The following CA10 variants were observed in gnomAD, a reference collection of about 807,000 sequenced individuals.
CA10 encodes the protein carbonic anhydrase 10 (inactive), also known as carbonic anhydrase-related protein 10.
Under a neutral mutation model 44.2 loss-of-function variants are expected in CA10, and 14 were observed. The ratio of observed to expected loss-of-function variants is 0.32; its 90% confidence interval spans 0.21 to 0.50. The LOEUF (loss-of-function observed/expected upper bound fraction) is 0.50. Ranked by LOEUF, CA10 falls within the 20% of genes least tolerant of loss-of-function variation. The pLI, the probability that CA10 is intolerant of heterozygous loss-of-function variation, is 0.99. For missense variants in CA10, 350 were observed against 409.7 expected (o/e 0.85, Z 1.26); for synonymous variants, 159 against 141.6 (o/e 1.12, Z -0.87).
intron 2 of CA10, among the ~76,000 whole-genome samples, chr17:51,969,892 C>T (rs1984218668): frequency 6.6e-6 from 1 of 151,962 alleles, no homozygotes; most frequent in Non-Finnish European, 1.5e-5. Context: ...ACCCTTTCTG[C>T]CCCTTAAATG....
chr17:51,718,197 G>A (rs78107588), intron 4 of CA10, among the ~76,000 whole-genome samples: 1 of 149,740 alleles, frequency 6.7e-6, no homozygotes, highest in African/African-American at 2.5e-5. Context: ...AATACCACCT[G>A]TACCCCAATA....
chr17:52,018,812 C>T (rs1268158588), intron 2 of CA10, among the ~76,000 whole-genome samples: 1 of 152,032 alleles, frequency 6.6e-6, no homozygotes, highest in Non-Finnish European at 1.5e-5. Context: ...ATTTCCAAAT[C>T]TCATGTTCAA....
chr17:51,765,387 A>G (rs1251267641), intron 3 of CA10, among the ~76,000 whole-genome samples: 1 of 152,188 alleles, frequency 6.6e-6, no homozygotes, highest in African/African-American at 2.4e-5. Context: ...AAATGATGCA[A>G]TTCAATACAG....
chr17:51,661,693 G>C (rs1279999509), intron 4 of CA10: 1 of 152,166 alleles, frequency 6.6e-6, no homozygotes, highest in South Asian at 2.1e-4. Context: ...TTGTGGATCC[G>C]ACATTGAGTC....
rs1034374878 is a variant in CA10, at chr17:51,820,411, C to A, written c.280-72593G>T. On this transcript the variant is annotated intron_variant, in intron 3 of 8. Coordinates refer to ENST00000451037, the MANE Select transcript of CA10 (RefSeq NM_020178.5). The stretch of plus-strand genomic sequence containing the variant: ...TAAACCTGGGGATTCCCCTACCCCC[C>A]CCCCCCCGCCCGCCGATTTTCCTGT... Among the ~76,000 whole-genome samples the A allele has an allele frequency of 3.0e-4, 28 of 92,280 alleles. 2 individuals are homozygous for A. Among genetic ancestry groups the A allele is most frequent in the South Asian group, 5.1e-4 (1 of 1,962 alleles). 60.5% of individuals were successfully genotyped at this position (92,280 alleles called of 152,430 possible). A position where few individuals can be genotyped will look rare whatever the true frequency, so the allele number is the denominator to read the frequency against.
intron 3 of CA10, among the ~76,000 whole-genome samples, chr17:51,846,894 G>A (rs1978519632): frequency 6.6e-6 from 1 of 152,194 alleles, no homozygotes; most frequent in Admixed American, 6.5e-5. Flanking sequence ...GGCTGACAGG[G>A]ATCAATGTAG....
intron 1 of CA10, among the ~76,000 whole-genome samples, chr17:52,103,852 T>C (rs9903965): frequency 0.098 from 14,976 of 152,188 alleles, 1,809 homozygotes; most frequent in African/African-American, 0.29. Context: ...TGACATGACT[T>C]CACACTGGCA....
chr17:52,157,313 C>T (rs931581478), intron 1 of CA10, among the ~76,000 whole-genome samples: 1 of 152,120 alleles, frequency 6.6e-6, no homozygotes, highest in Non-Finnish European at 1.5e-5. Flanking sequence ...GTTAGATACC[C>T]GGGCAGGGCC....
chr17:52,151,087 A>G (rs181258158), intron 1 of CA10, among the ~76,000 whole-genome samples: 1 of 152,260 alleles, frequency 6.6e-6, no homozygotes, highest in East Asian at 1.9e-4. Flanking sequence ...TATTACAATC[A>G]AAGTAAAAAT....
chr17:51,898,365 C>T (rs1981163853), intron 3 of CA10, among the ~76,000 whole-genome samples: 2 of 151,898 alleles, frequency 1.3e-5, no homozygotes, highest in African/African-American at 4.8e-5. Context: ...ATTGATTTGC[C>T]TATGTTGAAC....
At chr17:52,084,293 C>A (rs539044770) in intron 1 of CA10, among the ~76,000 whole-genome samples, 8 of 152,238 alleles carry the variant, frequency 5.3e-5, no homozygotes, top group African/African-American at 1.9e-4. Context: ...TAGGAAAAGG[C>A]CAGGGCAGAT....
intron 2 of CA10, among the ~76,000 whole-genome samples, chr17:51,998,173 C>T (rs1404170985): frequency 6.6e-6 from 1 of 152,094 alleles, no homozygotes; most frequent in Non-Finnish European, 1.5e-5. Flanking sequence ...ATGTTCTTTA[C>T]AGAACCATGT....
intron 3 of CA10, among the ~76,000 whole-genome samples, chr17:51,791,540 T>C (rs913652525): frequency 6.6e-6 from 1 of 152,208 alleles, no homozygotes; most frequent in Non-Finnish European, 1.5e-5. Flanking sequence ...CATAATTTTT[T>C]TGGATTGCCT....
intron 1 of CA10, among the ~76,000 whole-genome samples, chr17:52,136,196 G>T (rs1217323185): frequency 6.6e-6 from 1 of 152,200 alleles, no homozygotes; most frequent in East Asian, 1.9e-4. Context: ...ATGCCTAAAA[G>T]CACTTCATTT....
chr17:52,129,898 T>C (rs1347401769), intron 1 of CA10, among the ~76,000 whole-genome samples: 1 of 152,090 alleles, frequency 6.6e-6, no homozygotes, highest in Non-Finnish European at 1.5e-5. Flanking sequence ...AGAAAATATA[T>C]GCAAACCAGA....
intron 3 of CA10, among the ~76,000 whole-genome samples, chr17:51,778,821 C>T (rs1277184268): frequency 6.6e-6 from 1 of 152,164 alleles, no homozygotes; most frequent in Non-Finnish European, 1.5e-5. Flanking sequence ...GCTCAGGCTG[C>T]TCAGGGAGGA....
intron 4 of CA10, among the ~76,000 whole-genome samples, chr17:51,740,065 C>T (rs2037648901): frequency 2.8e-5 from 4 of 145,420 alleles, no homozygotes; most frequent in Admixed American, 1.4e-4. Flanking sequence ...ATATTGACAA[C>T]TTTATTAGGT....
chr17:52,017,361 A>G (rs1055444872), intron 2 of CA10, among the ~76,000 whole-genome samples: 1 of 152,162 alleles, frequency 6.6e-6, no homozygotes, highest in Non-Finnish European at 1.5e-5. Context: ...TGATAGAAAC[A>G]TTGGCAGTGA....
At chr17:51,636,773 TTTTGTGTGTGTGTGTG>T (rs1912846992) in intron 6 of CA10, among the ~76,000 whole-genome samples, 1 of 45,684 alleles carries the variant, frequency 2.2e-5, no homozygotes, top group South Asian at 1.8e-3. Flanking sequence ...CAACTGATTA[TTTTGTGTGTGTGTGTG>T]TGTGTGTGTG....
Sources: allele counts gnomAD v4.1 joint callset (sites outside exome capture counted in the v4.1 genomes callset), GRCh38; gene constraint gnomAD v4.1.1; transcripts MANE v1.5; gene names NCBI Gene and HGNC (gene_info 2026-07-23, HGNC 2026-07-21).